Variants in SPIDR observed in about 807,000 individuals in gnomAD.
SPIDR encodes the protein scaffold protein involved in DNA repair.
Under a neutral mutation model 104.6 loss-of-function variants are expected in SPIDR, and 93 were observed. The observed-to-expected ratio is 0.89, with a 90% CI of 0.75 to 1.06. SPIDR has a LOEUF of 1.06. Among genes scored for constraint, SPIDR ranks in the 50% least tolerant of loss-of-function variants. SPIDR has a pLI of 0.00. For missense variants in SPIDR, 1,154 were observed against 1,111.2 expected, an observed-to-expected ratio of 1.04 and a Z score of -0.55; for synonymous variants, 431 against 416.9, an observed-to-expected ratio of 1.03 and a Z score of -0.41.
intron 6 of SPIDR, among the ~76,000 whole-genome samples, chr8:47,406,177 C>T (rs1208360268): frequency 6.6e-6 from 1 of 151,584 alleles, no homozygotes; most frequent in African/African-American, 2.4e-5. Flanking sequence ...AAGAATACAG[C>T]ATTTGCTTCT....
At chr8:47,475,760 T>C (rs1554723435) in intron 8 of SPIDR, among the ~76,000 whole-genome samples, 3 of 152,122 alleles carry the variant, frequency 2.0e-5, no homozygotes, top group Non-Finnish European at 4.4e-5. Context: ...TCCAAAAAGA[T>C]AAGAAGTAAA....
At chr8:47,401,168 T>C (rs76535487) in intron 6 of SPIDR, among the ~76,000 whole-genome samples, 1 of 151,808 alleles carries the variant, frequency 6.6e-6, no homozygotes, top group East Asian at 1.9e-4. Flanking sequence ...CAGAATAGAG[T>C]GGGGGGCCAA....
chr8:47,694,555 G>A (rs931935548), intron 11 of SPIDR, among the ~76,000 whole-genome samples: 4 of 152,194 alleles, frequency 2.6e-5, no homozygotes, highest in Non-Finnish European at 5.9e-5. Context: ...GATCACTTGA[G>A]GCCAAACATT....
At position 47,321,674 on chromosome 8, in the gene SPIDR, G is replaced by A. The variant is rs563091616; in HGVS notation, c.525+27644G>A. On this transcript the variant is annotated intron_variant, in intron 5 of 19. Coordinates refer to ENST00000297423, the MANE Select transcript of SPIDR (RefSeq NM_001080394.4). The stretch of plus-strand genomic sequence containing the variant: ...GTGAAAGAACAAAGCTGGAGGCATC[G>A]TGCTACCTGACTTCAAACTATACTA... Among the ~76,000 whole-genome samples, 160 of 152,184 alleles carry A rather than the reference G, an allele frequency of 1.1e-3. 1 individual carries two copies. The highest frequency in any genetic ancestry group is 3.3e-3 in the African/African-American group (138 of 41,530).
At chr8:47,484,356 G>A (rs1412793316) in intron 8 of SPIDR, among the ~76,000 whole-genome samples, 1 of 152,246 alleles carries the variant, frequency 6.6e-6, no homozygotes, top group Non-Finnish European at 1.5e-5. Context: ...CTGTGAATTT[G>A]TTGGTAAAGC....
chr8:47,278,096 C>CTTTTT (rs71225674), intron 1 of SPIDR, among the ~76,000 whole-genome samples: 2 of 137,266 alleles, frequency 1.5e-5, no homozygotes, highest in African/African-American at 2.7e-5. Flanking sequence ...TTTTCTTTCT[C>CTTTTT]TTTTTTTTTT....
At chr8:47,357,531 CTTT>C (rs1293056657) in intron 5 of SPIDR, among the ~76,000 whole-genome samples, 1 of 152,138 alleles carries the variant, frequency 6.6e-6, no homozygotes, top group African/African-American at 2.4e-5. Context: ...AATCAAACTT[CTTT>C]ATTTATCTTA....
chr8:47,542,373 A>C (rs1207446802), intron 8 of SPIDR, among the ~76,000 whole-genome samples: 1 of 152,082 alleles, frequency 6.6e-6, no homozygotes, highest in Non-Finnish European at 1.5e-5. Flanking sequence ...GAATGCCCAG[A>C]GTTGCGTGAG....
At chr8:47,277,592 G>C (rs1044627057) in intron 1 of SPIDR, among the ~76,000 whole-genome samples, 4 of 149,560 alleles carry the variant, frequency 2.7e-5, no homozygotes, top group Non-Finnish European at 1.5e-5. Context: ...CTGGGCTCAA[G>C]TAGTCCTCCT....
At chr8:47,591,112 G>A (rs1485062489) in intron 8 of SPIDR, among the ~76,000 whole-genome samples, 1 of 150,724 alleles carries the variant, frequency 6.6e-6, no homozygotes, top group African/African-American at 2.4e-5. Context: ...CTTTTAATTG[G>A]TTTATTTAGA....
intron 8 of SPIDR, among the ~76,000 whole-genome samples, chr8:47,477,035 G>T (rs1554724172): frequency 6.6e-6 from 1 of 152,122 alleles, no homozygotes; most frequent in Admixed American, 6.6e-5. Context: ...CAGTGAAATT[G>T]TATATTCTGT....
At chr8:47,393,450 A>G (rs1175424237) in intron 5 of SPIDR, among the ~76,000 whole-genome samples, 1 of 151,880 alleles carries the variant, frequency 6.6e-6, no homozygotes, top group Non-Finnish European at 1.5e-5. Context: ...CCACATTACC[A>G]TCTGAGGTTG....
intron 5 of SPIDR, among the ~76,000 whole-genome samples, chr8:47,297,774 A>G (rs1467860509): frequency 6.6e-6 from 1 of 152,292 alleles, no homozygotes; most frequent in East Asian, 1.9e-4. Flanking sequence ...ATGTCCCTAC[A>G]AAGGACATGA....
chr8:47,284,021 C>T lies in SPIDR; in HGVS notation c.190-7C>T. On this transcript the variant is annotated splice_region_variant and splice_polypyrimidine_tract_variant and intron_variant, in intron 2 of 19. Transcript: ENST00000297423. ...CATAAATTCCATGATTATTATTTTG[C>T]CTACAGTCATTAACAGCTGAAGAGA... 1 of 1,600,682 alleles carries T rather than the reference C, an allele frequency of 6.2e-7. No individual in the cohort carries two copies. The highest frequency in any genetic ancestry group is 8.5e-7 in the Non-Finnish European group (1 of 1,173,878).
chr8:47,441,519 A>AAT (rs2069425758), intron 8 of SPIDR, among the ~76,000 whole-genome samples: 1 of 152,104 alleles, frequency 6.6e-6, no homozygotes, highest in South Asian at 2.1e-4. Context: ...TGATTAAAAA[A>AAT]AAAAGTAGTG....
intron 7 of SPIDR, 136 bp from the exon 8 acceptor site, chr8:47,440,187 G>A: frequency 1.4e-6 from 1 of 699,950 alleles, no homozygotes. Flanking sequence ...GTTTTACTTT[G>A]CAAAATGTGG....
At chr8:47,492,984 C>A (rs1216067692) in intron 8 of SPIDR, among the ~76,000 whole-genome samples, 1 of 150,812 alleles carries the variant, frequency 6.6e-6, no homozygotes, top group African/African-American at 2.4e-5. Flanking sequence ...TACCTTCCAG[C>A]TGGATGGGCT....
At chr8:47,261,789 T>C (rs2032433445) in intron 1 of SPIDR, among the ~76,000 whole-genome samples, 1 of 152,214 alleles carries the variant, frequency 6.6e-6, no homozygotes, top group Admixed American at 6.5e-5. Context: ...CCATTGATTA[T>C]CAGCCCACAC....
chr8:47,491,110 A>G (rs1318835163), intron 8 of SPIDR, among the ~76,000 whole-genome samples: 2 of 152,194 alleles, frequency 1.3e-5, no homozygotes, highest in African/African-American at 2.4e-5. Context: ...TCAAACTTTA[A>G]AAAGACGTAT....
Sources: gnomAD v4.1 joint callset for allele counts (sites outside exome capture counted in the v4.1 genomes callset) on GRCh38, gnomAD v4.1.1 for gene constraint, MANE v1.5 for transcripts, NCBI Gene and HGNC (gene_info 2026-07-23, HGNC 2026-07-21) for gene names.